MTUS2: variants seen among roughly 807,000 people sequenced by gnomAD.
The protein encoded by MTUS2 is microtubule-associated tumor suppressor candidate 2.
A neutral mutation model predicts 114.1 loss-of-function variants in MTUS2; 40 were observed. That is an observed-to-expected ratio of 0.35 (90% CI 0.27 to 0.46). The LOEUF (loss-of-function observed/expected upper bound fraction) is 0.46. Ranked by LOEUF, MTUS2 falls within the 20% of genes least tolerant of loss-of-function variation. MTUS2 has a pLI of 1.00. For missense variants in MTUS2, 1,679 were observed against 1,705.4 expected, an observed-to-expected ratio of 0.98 and a Z score of 0.27; for synonymous variants, 688 against 672.0, an observed-to-expected ratio of 1.02 and a Z score of -0.37.
At chr13:29,328,188 C>T in intron 7 of MTUS2, among the ~76,000 whole-genome samples, 1 of 99,672 alleles carries the variant, frequency 1.0e-5, no homozygotes, top group African/African-American at 2.6e-5. Flanking sequence ...ATTCATTTTC[C>T]ATATATGAAA....
At chr13:29,233,491 A>G (rs181042230) in intron 5 of MTUS2, among the ~76,000 whole-genome samples, 1 of 152,286 alleles carries the variant, frequency 6.6e-6, no homozygotes, top group East Asian at 1.9e-4. Flanking sequence ...TTCTCTTTAT[A>G]TAGGTTTGGT....
At chr13:29,318,391 C>CTTTTTTTTTTTTTCTTTTTTTT (rs71090240) in intron 6 of MTUS2, among the ~76,000 whole-genome samples, 2 of 135,036 alleles carry the variant, frequency 1.5e-5, no homozygotes, top group African/African-American at 2.8e-5. Flanking sequence ...ATTTCTTTTT[C>CTTTTTTTTTTTTTCTTTTTTTT]TTTTTTTTTT....
rs533530832 is a variant in MTUS2 at position 29,441,929 on chromosome 13, T to C, written c.3184+1880T>C. 1.1e-4 allele frequency among the ~76,000 whole-genome samples: 16 copies of C among 152,294 alleles called. No homozygotes were observed. In the South Asian group the frequency reaches 1.7e-3, roughly 16 times the overall value. On this transcript the variant is annotated intron_variant, in intron 9 of 15. Transcript: ENST00000612955. ...TCAAAAAAATCCTCACCTGATGAAC[T>C]GCAAAGACCCCCTTCTCCACTCACC... is the stretch of plus-strand genomic sequence containing the variant.
intron 2 of MTUS2, among the ~76,000 whole-genome samples, chr13:28,901,029 C>T (rs1018927775): frequency 1.3e-5 from 2 of 152,180 alleles, no homozygotes; most frequent in Non-Finnish European, 2.9e-5. Context: ...TCTCCACATC[C>T]TCAGCAGCAT....
chr13:28,911,757 A>T (rs1880445766), intron 2 of MTUS2, among the ~76,000 whole-genome samples: 1 of 148,806 alleles, frequency 6.7e-6, no homozygotes, highest in African/African-American at 2.5e-5. Flanking sequence ...ATGATCGGTG[A>T]TGTTGAGCTT....
At chr13:29,500,990 G>A (rs1882863164) in intron 14 of MTUS2, 107 bp from the exon 15 acceptor site, 1 of 805,064 alleles carries the variant, frequency 1.2e-6, no homozygotes, top group Non-Finnish European at 2.0e-6. Flanking sequence ...ACTGATGTTT[G>A]CAAAATGCTG....
chr13:29,263,544 G>T (rs147372689), intron 5 of MTUS2, among the ~76,000 whole-genome samples: 5 of 152,310 alleles, frequency 3.3e-5, no homozygotes, highest in African/African-American at 4.8e-5. Context: ...TCACAGTTCT[G>T]CAGGCTTTAC....
At chr13:29,239,369 C>T (rs1896651260) in intron 5 of MTUS2, 1 of 152,112 alleles carries the variant, frequency 6.6e-6, no homozygotes, top group South Asian at 2.1e-4. Context: ...GAGAGGGTCC[C>T]TGTGTTCCAA....
chr13:28,883,691 T>G (rs1382464557), intron 2 of MTUS2, among the ~76,000 whole-genome samples: 1 of 151,986 alleles, frequency 6.6e-6, no homozygotes, highest in African/African-American at 2.4e-5. Context: ...GGCAGGAGAT[T>G]TGTGGTGATG....
At chr13:29,135,964 A>C (rs531211352) in intron 5 of MTUS2, among the ~76,000 whole-genome samples, 43 of 152,350 alleles carry the variant, frequency 2.8e-4, no homozygotes, top group African/African-American at 9.9e-4. Context: ...AGTTATGATA[A>C]AACTAGCTTT....
At chr13:29,284,678 C>T (rs760644410) in intron 6 of MTUS2, among the ~76,000 whole-genome samples, 12 of 152,118 alleles carry the variant, frequency 7.9e-5, no homozygotes, top group South Asian at 2.1e-4. Context: ...AGAATTGCAA[C>T]GAAAATCTGA....
intron 2 of MTUS2, among the ~76,000 whole-genome samples, chr13:28,970,253 G>T (rs1306225316): frequency 6.6e-6 from 1 of 152,134 alleles, no homozygotes; most frequent in Non-Finnish European, 1.5e-5. Context: ...TGCATGCTTT[G>T]TCTAGATCTT....
In MTUS2 at chr13:29,371,985, C is replaced by CT. The variant is rs1871229393; in HGVS notation, c.3117+12512_3117+12513insT. Among the ~76,000 whole-genome samples the CT allele has an allele frequency of 2.9e-4, 16 of 54,240 alleles. 1 individual carries two copies. In the South Asian group the frequency reaches 0.015, roughly 52 times the overall value. 35.6% of individuals were successfully genotyped at this position (54,240 alleles called of 152,430 possible). The stretch of plus-strand genomic sequence containing the variant: ...AGTGTCCTCAACCCCCGCCCCCCCC[C>CT]CCACACACACACACAAGCACAAAAG... On this transcript the variant is annotated intron_variant, in intron 8 of 15. Transcript: ENST00000612955.
intron 2 of MTUS2, among the ~76,000 whole-genome samples, chr13:29,017,383 C>T (rs1886109934): frequency 6.6e-6 from 1 of 152,142 alleles, no homozygotes; most frequent in African/African-American, 2.4e-5. Flanking sequence ...CATTCAGAGG[C>T]ATGGTGGTTG....
At chr13:29,127,794 A>C (rs1368266886) in intron 5 of MTUS2, among the ~76,000 whole-genome samples, 1 of 152,156 alleles carries the variant, frequency 6.6e-6, no homozygotes, top group Non-Finnish European at 1.5e-5. Context: ...ACATTTCTCC[A>C]TGTGCTTGTC....
rs139022700 is a variant in MTUS2 at position 29,336,664 on chromosome 13, C to T, written c.2905+11953C>T. 3.3e-3 allele frequency among the ~76,000 whole-genome samples: 507 copies of T among 152,306 alleles called. 3 individuals carry two copies. The highest frequency in any genetic ancestry group is 0.012 in the African/African-American group (486 of 41,568). On this transcript the variant is annotated intron_variant, in intron 7 of 15. Coordinates refer to ENST00000612955, the MANE Select transcript of MTUS2 (RefSeq NM_001033602.4). ...AGTCTGTTCCTTAGCTGAGCTCCAG[C>T]GCTGTGCTGGGAAATCCACTGCTCT... is the stretch of plus-strand genomic sequence containing the variant.
At chr13:29,306,863 A>G (rs893837483) in intron 6 of MTUS2, 2 of 493,204 alleles carry the variant, frequency 4.1e-6, no homozygotes, top group Non-Finnish European at 8.1e-6. Flanking sequence ...GCTAAAGTAG[A>G]TATTGTGGCC....
intron 7 of MTUS2, among the ~76,000 whole-genome samples, chr13:29,325,499 AG>A (rs1346526944): frequency 7.5e-6 from 1 of 133,510 alleles, no homozygotes. Flanking sequence ...AGGGAGGAGG[AG>A]GAGGAGGAGA....
chr13:29,421,330 G>T (rs1385961398), intron 8 of MTUS2, among the ~76,000 whole-genome samples: 1 of 152,216 alleles, frequency 6.6e-6, no homozygotes, highest in African/African-American at 2.4e-5. Context: ...GGAAAAAGGA[G>T]GGGTCTGGAT....
Sources: allele counts gnomAD v4.1 joint callset (sites outside exome capture counted in the v4.1 genomes callset), GRCh38; gene constraint gnomAD v4.1.1; transcripts MANE v1.5; gene names NCBI Gene and HGNC (gene_info 2026-07-23, HGNC 2026-07-21).